Variants in TMEM132B observed in about 807,000 individuals in gnomAD.
The protein encoded by TMEM132B is transmembrane protein 132B.
A neutral mutation model predicts 90.8 loss-of-function variants in TMEM132B; 18 were observed. That is an observed-to-expected ratio of 0.20 (90% confidence interval 0.14 to 0.29). The LOEUF (loss-of-function observed/expected upper bound fraction) is 0.29, where lower values mean the gene tolerates loss of function less well. Ranked by LOEUF, TMEM132B falls within the 10% of genes least tolerant of loss-of-function variation. The pLI is 1.00. For missense variants in TMEM132B, 1,096 were observed against 1,326.8 expected, an observed-to-expected ratio of 0.83 and a Z score of 2.70; for synonymous variants, 504 against 523.3, an observed-to-expected ratio of 0.96 and a Z score of 0.50.
chr12:125,369,771 C>T (rs747474754), intron 2 of TMEM132B, among the ~76,000 whole-genome samples: 2 of 152,146 alleles, frequency 1.3e-5, no homozygotes, highest in African/African-American at 4.8e-5. Flanking sequence ...TTTAATGGGC[C>T]GGGCGTGGTG....
intron 5 of TMEM132B, among the ~76,000 whole-genome samples, chr12:125,600,506 G>A (rs1054775596): frequency 1.3e-5 from 2 of 152,132 alleles, no homozygotes; most frequent in African/African-American, 2.4e-5. Flanking sequence ...GACCCATGAG[G>A]GCAGGGTCCA....
intron 3 of TMEM132B, among the ~76,000 whole-genome samples, chr12:125,463,659 C>T (rs1440153363): frequency 4.6e-5 from 7 of 152,150 alleles, no homozygotes; most frequent in Admixed American, 4.6e-4. Context: ...CATGACCTAC[C>T]TCCAGCTTCT....
At chr12:125,556,721 A>T (rs1884397775) in intron 4 of TMEM132B, among the ~76,000 whole-genome samples, 1 of 152,164 alleles carries the variant, frequency 6.6e-6, no homozygotes, top group Admixed American at 6.5e-5. Flanking sequence ...TAGCCTCATG[A>T]TAAAAATTAG....
intron 1 of TMEM132B, among the ~76,000 whole-genome samples, chr12:125,247,004 A>G (rs954133627): frequency 2.6e-5 from 4 of 152,164 alleles, no homozygotes; most frequent in Non-Finnish European, 4.4e-5. Flanking sequence ...AGAAGACATT[A>G]AATCAAATAA....
At chr12:125,503,497 T>C (rs1345819998) in intron 3 of TMEM132B, among the ~76,000 whole-genome samples, 1 of 152,240 alleles carries the variant, frequency 6.6e-6, no homozygotes, top group Non-Finnish European at 1.5e-5. Context: ...GAAATAGTTT[T>C]CATTCCTTGA....
intron 1 of TMEM132B, among the ~76,000 whole-genome samples, chr12:125,230,670 AT>A (rs745549329): frequency 0.014 from 1,849 of 127,780 alleles, 33 homozygotes; most frequent in African/African-American, 0.042. Context: ...TTTTGTGTGT[AT>A]TTTTTTTTTT....
chr12:125,625,533 T>A (rs1437827080), intron 5 of TMEM132B, among the ~76,000 whole-genome samples: 1 of 152,222 alleles, frequency 6.6e-6, no homozygotes, highest in Non-Finnish European at 1.5e-5. Flanking sequence ...GATTCCATTG[T>A]ATGGATTTAC....
intron 1 of TMEM132B, among the ~76,000 whole-genome samples, chr12:125,256,035 A>G (rs1874431855): frequency 6.6e-6 from 1 of 151,948 alleles, no homozygotes. Flanking sequence ...TGAATTTCTC[A>G]TCTCTTGGAT....
At chr12:125,637,928 G>A (rs985823970) in intron 5 of TMEM132B, among the ~76,000 whole-genome samples, 1 of 152,196 alleles carries the variant, frequency 6.6e-6, no homozygotes, top group African/African-American at 2.4e-5. Flanking sequence ...TCTGTGTAGT[G>A]TTTTCATGGG....
rs1480975235 is a variant in TMEM132B, at chr12:125,492,253, C to A, written c.1107-27186C>A. Among the ~76,000 whole-genome samples the A allele has an allele frequency of 2.0e-5, 3 of 152,224 alleles. No individual in the cohort carries two copies. The highest frequency in any genetic ancestry group is 2.9e-5 in the Non-Finnish European group (2 of 68,042). Reference sequence around the variant, plus strand: ...ATGTTTCCTGTGCAAGTTACACCTGCCGTGGCAGCTCAGCCTTCCTCGTCT... The same window carrying A: ...ATGTTTCCTGTGCAAGTTACACCTGACGTGGCAGCTCAGCCTTCCTCGTCT... On this transcript the variant is annotated intron_variant, in intron 3 of 8. Transcript: ENST00000682704. The surrounding 1 kb of genome is among the most constrained non-coding windows in gnomAD (Gnocchi z 5.8).
Position 125,556,190 on chromosome 12 carries a change from A to G in TMEM132B, c.1294-27661A>G, listed in dbSNP as rs529196037. 2.0e-5 allele frequency among the ~76,000 whole-genome samples: 3 copies of G among 152,148 alleles called. No individual in the cohort carries two copies. The East Asian group carries it at 5.8e-4, about 29-fold the overall frequency. On this transcript the variant is annotated intron_variant, in intron 4 of 8. Coordinates refer to ENST00000682704, the MANE Select transcript of TMEM132B (RefSeq NM_001366854.1). ...TGCCACTCATCTCCTCAGTTAACTGATTTTTCATGTTCTTTATCTTTTGTT... is the reference window on the plus strand; with the variant it reads ...TGCCACTCATCTCCTCAGTTAACTGGTTTTTCATGTTCTTTATCTTTTGTT...
intron 5 of TMEM132B, among the ~76,000 whole-genome samples, chr12:125,617,504 C>G (rs899135407): frequency 2.4e-4 from 37 of 152,214 alleles, no homozygotes; most frequent in African/African-American, 8.4e-4. Context: ...CGCCACCACA[C>G]CTGGCCAATT....
At chr12:125,263,300 G>A (rs568285626) in intron 1 of TMEM132B, among the ~76,000 whole-genome samples, 68 of 152,326 alleles carry the variant, frequency 4.5e-4, no homozygotes, top group African/African-American at 8.9e-4. Context: ...GGAGAGGTAC[G>A]TGCCTCAAAG....
At chr12:125,468,139 C>T (rs2136489599) in intron 3 of TMEM132B, among the ~76,000 whole-genome samples, 1 of 152,188 alleles carries the variant, frequency 6.6e-6, no homozygotes, top group African/African-American at 2.4e-5. Flanking sequence ...AGTACAATTG[C>T]TGGGTCATAT....
chr12:125,451,990 T>G (rs1881164580), intron 3 of TMEM132B, among the ~76,000 whole-genome samples: 1 of 152,222 alleles, frequency 6.6e-6, no homozygotes. Flanking sequence ...TTGAAAGATT[T>G]GTGAGGCTTC....
intron 1 of TMEM132B, among the ~76,000 whole-genome samples, chr12:125,241,696 T>C (rs2136093015): frequency 6.6e-6 from 1 of 152,292 alleles, no homozygotes. Flanking sequence ...ACTTCTGGTC[T>C]CCAGGGCCAT....
chr12:125,489,051 A>T (rs1165488169), intron 3 of TMEM132B, among the ~76,000 whole-genome samples: 2 of 152,242 alleles, frequency 1.3e-5, no homozygotes, highest in African/African-American at 4.8e-5. Flanking sequence ...TTTACCAGAT[A>T]CTGGTCCTGA....
At chr12:125,411,230 A>G (rs952452475) in intron 2 of TMEM132B, among the ~76,000 whole-genome samples, 3 of 150,248 alleles carry the variant, frequency 2.0e-5, no homozygotes, top group Admixed American at 1.3e-4. Flanking sequence ...AAACTGAGAC[A>G]GGGGACAAAG....
intron 2 of TMEM132B, among the ~76,000 whole-genome samples, chr12:125,362,454 A>G (rs1315994274): frequency 1.3e-5 from 2 of 152,220 alleles, no homozygotes; most frequent in Non-Finnish European, 2.9e-5. Context: ...TATATTTCTT[A>G]ACATGGTAAA....
Sources: allele counts gnomAD v4.1 joint callset (sites outside exome capture counted in the v4.1 genomes callset), GRCh38; gene constraint gnomAD v4.1.1; non-coding constraint Gnocchi (gnomAD v3.1); transcripts MANE v1.5; gene names NCBI Gene and HGNC (gene_info 2026-07-23, HGNC 2026-07-21).